The following RNF130 variants were observed in gnomAD, a reference collection of about 807,000 sequenced individuals.
RNF130 encodes ring finger protein 130, also known as E3 ubiquitin-protein ligase RNF130.
A neutral mutation model predicts 44.6 loss-of-function variants in RNF130; 21 were observed. The ratio of observed to expected loss-of-function variants is 0.47; its 90% CI spans 0.33 to 0.68. The LOEUF (loss-of-function observed/expected upper bound fraction) is 0.68. RNF130 is among the 30% of genes least tolerant of loss of function. RNF130 has a pLI of 0.02. For missense variants in RNF130, 479 were observed against 560.6 expected, an observed-to-expected ratio of 0.85 and a Z score of 1.47; for synonymous variants, 214 against 210.4, an observed-to-expected ratio of 1.02 and a Z score of -0.15.
At chr5:179,949,817 C>T (rs930077795) in intron 7 of RNF130, among the ~76,000 whole-genome samples, 2 of 152,168 alleles carry the variant, frequency 1.3e-5, no homozygotes, top group Admixed American at 1.3e-4. Context: ...ATAATTAAGA[C>T]CAGAGATGAG....
At chr5:180,002,566 G>A (rs541959249) in intron 3 of RNF130, among the ~76,000 whole-genome samples, 82 of 152,316 alleles carry the variant, frequency 5.4e-4, no homozygotes, top group Non-Finnish European at 8.1e-4. Context: ...TGGGCTTAGT[G>A]CCTGTGAGGA....
intron 1 of RNF130, among the ~76,000 whole-genome samples, chr5:180,056,331 C>G (rs1561710303): frequency 6.6e-6 from 1 of 151,438 alleles, no homozygotes; most frequent in East Asian, 1.9e-4. Context: ...TGTGGATGTG[C>G]AACAGAGAAA....
intron 7 of RNF130, among the ~76,000 whole-genome samples, chr5:179,936,661 A>G (rs958627484): frequency 2.0e-5 from 3 of 152,232 alleles, no homozygotes; most frequent in South Asian, 2.1e-4. Flanking sequence ...AAAGTAAAGC[A>G]TCTCTTTATT....
At chr5:180,031,015 T>A (rs1288285554) in intron 2 of RNF130, among the ~76,000 whole-genome samples, 1 of 152,208 alleles carries the variant, frequency 6.6e-6, no homozygotes, top group African/African-American at 2.4e-5. Context: ...AAGATAAGGA[T>A]GAAAACCATT....
At chr5:179,988,304 TTTTA>T (rs994549734) in intron 3 of RNF130, among the ~76,000 whole-genome samples, 4 of 152,326 alleles carry the variant, frequency 2.6e-5, no homozygotes, top group South Asian at 2.1e-4. Context: ...TCACTTCTGA[TTTTA>T]TTTGAGGCTT....
intron 7 of RNF130, among the ~76,000 whole-genome samples, chr5:179,965,400 T>C (rs541342301): frequency 2.6e-5 from 4 of 152,194 alleles, no homozygotes; most frequent in African/African-American, 7.2e-5. Context: ...TTTATTAACA[T>C]CATGTGCAAA....
At chr5:180,037,062 C>G (rs1351014590) in intron 2 of RNF130, among the ~76,000 whole-genome samples, 1 of 152,184 alleles carries the variant, frequency 6.6e-6, no homozygotes, top group African/African-American at 2.4e-5. Flanking sequence ...TCTTCTATAA[C>G]TTACTGTGTT....
intron 1 of RNF130, among the ~76,000 whole-genome samples, chr5:180,041,925 G>A (rs545153920): frequency 6.6e-6 from 1 of 152,246 alleles, no homozygotes; most frequent in African/African-American, 2.4e-5. Flanking sequence ...AAAATTAGCT[G>A]GGTGTGGTGG....
intron 1 of RNF130, among the ~76,000 whole-genome samples, chr5:180,051,443 GT>G (rs1449523793): frequency 2.6e-5 from 4 of 151,792 alleles, no homozygotes; most frequent in African/African-American, 9.7e-5. Context: ...TAGAGACGGG[GT>G]TTCACCATGG....
chr5:179,920,421 G>A (rs1761612255), exon 8 of RNF130: 1 of 702,386 alleles, frequency 1.4e-6, no homozygotes, highest in Non-Finnish European at 2.6e-6. Context: ...TGAAAGAAGT[G>A]ACCACCTGGA....
At chr5:180,051,023 G>A (rs1432316365) in intron 1 of RNF130, among the ~76,000 whole-genome samples, 2 of 151,948 alleles carry the variant, frequency 1.3e-5, no homozygotes, top group South Asian at 2.1e-4. Context: ...GGCTGGTCTC[G>A]AACTCCTGAA....
chr5:179,974,904 A>T (rs1401101534), intron 5 of RNF130, among the ~76,000 whole-genome samples: 1 of 152,244 alleles, frequency 6.6e-6, no homozygotes, highest in East Asian at 1.9e-4. Flanking sequence ...CCGGGTCAGC[A>T]CGCTGAGGGA....
At chr5:179,980,516 AGC>A (rs1762809553) in intron 3 of RNF130, 1 of 309,194 alleles carries the variant, frequency 3.2e-6, no homozygotes, top group East Asian at 7.4e-5. Context: ...GAAACATCAC[AGC>A]ACTATCAAAC....
chr5:180,070,400 C>A (rs1355266042), intron 1 of RNF130, among the ~76,000 whole-genome samples: 1 of 152,172 alleles, frequency 6.6e-6, no homozygotes, highest in Non-Finnish European at 1.5e-5. Flanking sequence ...TTTTCCCCAG[C>A]CAGACTGTCT....
chr5:179,971,103 A>AT (rs1554102061), intron 5 of RNF130, among the ~76,000 whole-genome samples: 4 of 152,066 alleles, frequency 2.6e-5, no homozygotes, highest in African/African-American at 4.8e-5. Context: ...AGGATGGGAG[A>AT]TTTTCTCTCT....
chr5:179,948,085 G>C (rs1561665726), intron 7 of RNF130, among the ~76,000 whole-genome samples: 2 of 152,138 alleles, frequency 1.3e-5, no homozygotes, highest in African/African-American at 4.8e-5. Context: ...GGGCTGCCTG[G>C]GTCTCATTCT....
intron 2 of RNF130, among the ~76,000 whole-genome samples, chr5:180,021,944 C>A (rs1763880655): frequency 6.6e-6 from 1 of 152,194 alleles, no homozygotes; most frequent in Admixed American, 6.5e-5. Context: ...CTCCGTCAGT[C>A]TGCAACTGTC....
At chr5:180,064,413 C>T (rs1390516497) in intron 1 of RNF130, among the ~76,000 whole-genome samples, 1 of 152,128 alleles carries the variant, frequency 6.6e-6, no homozygotes, top group African/African-American at 2.4e-5. Flanking sequence ...CCCAGTCACC[C>T]TACCTGCCCA....
intron 3 of RNF130, among the ~76,000 whole-genome samples, chr5:179,982,593 T>C (rs76085741): frequency 7.7e-6 from 1 of 129,350 alleles, no homozygotes; most frequent in Non-Finnish European, 1.6e-5. Context: ...GTTTTGTTTT[T>C]AAGACAAGGT....
Sources: allele counts gnomAD v4.1 joint callset (sites outside exome capture counted in the v4.1 genomes callset), GRCh38; gene constraint gnomAD v4.1.1; transcripts MANE v1.5; gene names NCBI Gene and HGNC (gene_info 2026-07-23, HGNC 2026-07-21).